KIF16B: variants seen among roughly 807,000 people sequenced by gnomAD.
KIF16B encodes kinesin-like protein KIF16B.
Under a neutral mutation model 156.3 loss-of-function variants are expected in KIF16B, and 98 were observed. The ratio of observed to expected loss-of-function variants is 0.63; its 90% CI spans 0.53 to 0.74. The LOEUF (loss-of-function observed/expected upper bound fraction) is 0.74, where lower values mean the gene tolerates loss of function less well. Ranked by LOEUF, KIF16B falls within the 30% of genes least tolerant of loss-of-function variation. The pLI is 0.00. For synonymous variants in KIF16B, 564 were observed against 583.7 expected (o/e 0.97, Z 0.49); for missense variants, 1,421 against 1,606.5 (o/e 0.88, Z 1.97).
chr20:16,514,582 G>GAAA lies in KIF16B; in HGVS notation c.348+963_348+965dup, dbSNP rs540602451. Among the ~76,000 whole-genome samples, 179 of 76,896 alleles carry GAAA rather than the reference G, an allele frequency of 2.3e-3. 1 individual carries two copies. The highest frequency in any genetic ancestry group is 6.3e-3 in the African/African-American group (111 of 17,716). 50.4% of individuals were successfully genotyped at this position (76,896 alleles called of 152,430 possible). On this transcript the variant is annotated intron_variant, in intron 4 of 25. Coordinates refer to ENST00000354981, the MANE Select transcript of KIF16B (RefSeq NM_024704.5). Reference sequence around the variant, plus strand: ...GAACAGAGCTCTCACTAAGAAATAAGAAAAAAAAAAAAAAAAAAAAAAAAC... The same window carrying GAAA: ...GAACAGAGCTCTCACTAAGAAATAAGAAAAAAAAAAAAAAAAAAAAAAAAAAAC...
chr20:16,518,041 C>T (rs940474465), intron 3 of KIF16B, among the ~76,000 whole-genome samples: 3 of 152,096 alleles, frequency 2.0e-5, no homozygotes, highest in Non-Finnish European at 4.4e-5. Flanking sequence ...GGCGGTTTTC[C>T]GGTTCAGGGG....
intron 11 of KIF16B, among the ~76,000 whole-genome samples, chr20:16,497,076 C>T (rs1400951560): frequency 1.3e-5 from 2 of 152,090 alleles, no homozygotes; most frequent in Non-Finnish European, 2.9e-5. Context: ...GGCATGGGCA[C>T]ACACATTGGC....
At chr20:16,398,033 T>C (rs111616595) in intron 17 of KIF16B, among the ~76,000 whole-genome samples, 152 of 152,044 alleles carry the variant, frequency 1.0e-3, no homozygotes, top group African/African-American at 3.3e-3. Context: ...TACACAAACA[T>C]CAAATGAACA....
At chr20:16,493,050 C>A (rs945289771) in intron 12 of KIF16B, among the ~76,000 whole-genome samples, 8 of 152,062 alleles carry the variant, frequency 5.3e-5, no homozygotes, top group African/African-American at 9.7e-5. Flanking sequence ...GTTTCCTGCA[C>A]AAAAATCTCT....
chr20:16,381,859 A>G (rs1327858454), intron 17 of KIF16B, 112 bp from the exon 18 acceptor site: 6 of 875,108 alleles, frequency 6.9e-6, no homozygotes, highest in South Asian at 1.8e-5. Context: ...TTCAAGTATT[A>G]CTTTTAATTA....
intron 18 of KIF16B, 72 bp downstream of exon 18, chr20:16,381,622 G>C (rs200756582): frequency 8.8e-7 from 1 of 1,132,878 alleles, no homozygotes; most frequent in East Asian, 2.5e-5. Flanking sequence ...GACACAGATG[G>C]AATCAGTCCA....
intron 17 of KIF16B, among the ~76,000 whole-genome samples, chr20:16,397,987 A>G (rs996033679): frequency 3.3e-5 from 5 of 152,272 alleles, no homozygotes; most frequent in African/African-American, 1.2e-4. Flanking sequence ...TAAATGAAGC[A>G]TAGTGCCTGC....
intron 12 of KIF16B, among the ~76,000 whole-genome samples, chr20:16,487,893 C>T (rs538239388): frequency 7.2e-5 from 11 of 152,162 alleles, no homozygotes; most frequent in South Asian, 4.1e-4. Flanking sequence ...ATTCAGTTTT[C>T]GACAAACATT....
chr20:16,562,158 A>G lies in KIF16B; in HGVS notation c.47+11071T>C, dbSNP rs149547479. Among the ~76,000 whole-genome samples, 540 of 152,324 alleles carry G rather than the reference A, an allele frequency of 3.5e-3. 11 individuals are homozygous for G. In the East Asian group the frequency reaches 0.05, roughly 14 times the overall value. On this transcript the variant is annotated intron_variant, in intron 1 of 25. Transcript: ENST00000354981. ...AATCTACAATTATTTCAAAATAAAA[A>G]TTTTTTAAAATATCTTTTCTGAAGA...
At chr20:16,376,272 G>A (rs1386545577) in intron 19 of KIF16B, among the ~76,000 whole-genome samples, 2 of 152,150 alleles carry the variant, frequency 1.3e-5, no homozygotes, top group African/African-American at 4.8e-5. Flanking sequence ...TTCTAGTTGG[G>A]TTACCTGATC....
intron 23 of KIF16B, among the ~76,000 whole-genome samples, chr20:16,352,803 C>T (rs1442556206): frequency 6.6e-6 from 1 of 152,198 alleles, no homozygotes; most frequent in Non-Finnish European, 1.5e-5. Context: ...CGTGTTGTCT[C>T]CCTCCTGGGG....
intron 25 of KIF16B, among the ~76,000 whole-genome samples, chr20:16,289,631 A>C (rs1267617643): frequency 1.3e-5 from 2 of 152,208 alleles, no homozygotes. Flanking sequence ...AGGCGGACGG[A>C]TCACGAGGTC....
At chr20:16,310,377 G>A (rs1601543036) in intron 25 of KIF16B, among the ~76,000 whole-genome samples, 1 of 152,312 alleles carries the variant, frequency 6.6e-6, no homozygotes, top group East Asian at 1.9e-4. Flanking sequence ...AACAATGAAA[G>A]AGTGCCCTGA....
chr20:16,505,603 C>T (rs1026625030), intron 9 of KIF16B, 119 bp downstream of exon 9: 16 of 881,938 alleles, frequency 1.8e-5, no homozygotes, highest in Non-Finnish European at 2.7e-5. Flanking sequence ...GATAGAAAAA[C>T]CATTACTTTT....
At chr20:16,525,776 C>T (rs1283176082) in intron 3 of KIF16B, among the ~76,000 whole-genome samples, 1 of 152,202 alleles carries the variant, frequency 6.6e-6, no homozygotes, top group African/African-American at 2.4e-5. Context: ...GCAGCATACA[C>T]ATGTCTCCCC....
rs768947286 is a variant in KIF16B, at chr20:16,475,239, T to C, written c.1302+19052A>G. Reference sequence around the variant, plus strand: ...TAAGAGTATTTAGTGTGCCAGGCACTGCTTTCAAAGCTTTCACAAAGAACT... The same window carrying C: ...TAAGAGTATTTAGTGTGCCAGGCACCGCTTTCAAAGCTTTCACAAAGAACT... On this transcript the variant is annotated intron_variant, in intron 12 of 25. Transcript: ENST00000354981. 5.3e-5 allele frequency among the ~76,000 whole-genome samples: 8 copies of C among 152,376 alleles called. No homozygotes were observed. The East Asian group carries it at 5.8e-4, about 11-fold the overall frequency.
intron 15 of KIF16B, among the ~76,000 whole-genome samples, chr20:16,411,340 A>C (rs1366755491): frequency 6.6e-6 from 1 of 152,088 alleles, no homozygotes; most frequent in Admixed American, 6.6e-5. Flanking sequence ...TACTTTGAGC[A>C]TAGAACTTAG....
chr20:16,512,034 C>T, intron 5 of KIF16B, among the ~76,000 whole-genome samples: 1 of 152,012 alleles, frequency 6.6e-6, no homozygotes, highest in South Asian at 2.1e-4. Flanking sequence ...GTAATCCCAG[C>T]TACTCAGGAG....
chr20:16,376,512 T>C (rs1484999965), intron 19 of KIF16B, among the ~76,000 whole-genome samples: 1 of 152,052 alleles, frequency 6.6e-6, no homozygotes, highest in Non-Finnish European at 1.5e-5. Flanking sequence ...TGGGAGAAAA[T>C]GAAGCACAAC....
Sources: gnomAD v4.1 joint callset for allele counts (sites outside exome capture counted in the v4.1 genomes callset) on GRCh38, gnomAD v4.1.1 for gene constraint, MANE v1.5 for transcripts, NCBI Gene and HGNC (gene_info 2026-07-23, HGNC 2026-07-21) for gene names.